MAPDA: variants seen among roughly 807,000 people sequenced by gnomAD.
The protein encoded by MAPDA is N6,N6-dimethyl-AMP deaminase.
At chr15:43,343,023 A>G in the MAPDA span, 1 of 1,591,830 alleles carries the variant, frequency 6.3e-7, no homozygotes, top group Non-Finnish European at 8.5e-7. Flanking sequence ...TGTGGAATCT[A>G]TACTTGAAGG....
the MAPDA span, chr15:43,349,206 G>A: frequency 7.0e-7 from 1 of 1,421,750 alleles, no homozygotes; most frequent in East Asian, 2.5e-5. Context: ...AAAACAGAAA[G>A]CTTTAGCTTC....
At chr15:43,350,232 A>AT in the MAPDA span, among the ~76,000 whole-genome samples, 746 of 138,566 alleles carry the variant, frequency 5.4e-3, 4 homozygotes, top group East Asian at 0.03. Flanking sequence ...CGCCCAGCTA[A>AT]TTTTTTTTTT....
the MAPDA span, among the ~76,000 whole-genome samples, chr15:43,337,113 A>AG: frequency 1.3e-5 from 1 of 79,416 alleles, no homozygotes; most frequent in African/African-American, 1.8e-4. Context: ...CTAAAAATAC[A>AG]AAAAAAAAAA....
At chr15:43,350,068 ACT>A in the MAPDA span, among the ~76,000 whole-genome samples, 1 of 150,614 alleles carries the variant, frequency 6.6e-6, no homozygotes, top group African/African-American at 2.4e-5. Flanking sequence ...AATAGGAGTC[ACT>A]CTTTTTTTTG....
the MAPDA span, chr15:43,330,397 C>T: frequency 1.3e-6 from 2 of 1,580,836 alleles, no homozygotes; most frequent in Non-Finnish European, 1.7e-6. Context: ...CCTGCACGTA[C>T]CCGCGCGCGG....
At chr15:43,341,605 G>A in the MAPDA span, among the ~76,000 whole-genome samples, 1 of 152,028 alleles carries the variant, frequency 6.6e-6, no homozygotes, top group East Asian at 1.9e-4. Context: ...TTGGGAGGCT[G>A]AGGCAGGAGG....
At chr15:43,348,934 A>G in the MAPDA span, 1 of 1,614,032 alleles carries the variant, frequency 6.2e-7, no homozygotes, top group Non-Finnish European at 8.5e-7. Context: ...AGAAACACAA[A>G]TACTCCTGGA....
chr15:43,332,047 A>T, the MAPDA span: 4 of 152,326 alleles, frequency 2.6e-5, no homozygotes, highest in Middle Eastern at 0.01. Flanking sequence ...GGCACGTATT[A>T]GTTGTGGGGA....
chr15:43,352,085 C>A, the MAPDA span: 4 of 756,568 alleles, frequency 5.3e-6, no homozygotes, highest in Non-Finnish European at 6.1e-6. Context: ...TTACACATGG[C>A]AGGTACTCAG....
chr15:43,335,104 T>C, the MAPDA span: 3 of 1,613,516 alleles, frequency 1.9e-6, no homozygotes, highest in African/African-American at 4.0e-5. Context: ...TTTTTCCTGC[T>C]AAAATGATAG....
At chr15:43,351,998 A>T in the MAPDA span, 1 of 1,503,244 alleles carries the variant, frequency 6.7e-7, no homozygotes, top group East Asian at 2.5e-5. Context: ...AGTTCCTGCC[A>T]TATCCCACTT....
At chr15:43,332,734 A>AT in the MAPDA span, among the ~76,000 whole-genome samples, 2 of 151,736 alleles carry the variant, frequency 1.3e-5, no homozygotes, top group East Asian at 1.9e-4. Context: ...ACAGTAACAA[A>AT]TTTTTTTTTA....
the MAPDA span, chr15:43,345,765 T>A: frequency 6.7e-7 from 1 of 1,490,068 alleles, no homozygotes. Flanking sequence ...GTATTACACG[T>A]AGTCTGCCAT....
the MAPDA span, chr15:43,349,094 C>A: frequency 1.2e-6 from 2 of 1,612,662 alleles, no homozygotes; most frequent in South Asian, 2.2e-5. Flanking sequence ...GTCTCTCCCC[C>A]AATCCCCAGG....
chr15:43,340,951 A>C, the MAPDA span, among the ~76,000 whole-genome samples: 52 of 152,314 alleles, frequency 3.4e-4, no homozygotes, highest in African/African-American at 1.2e-3. Flanking sequence ...GGTAGTTACT[A>C]AAATGTAGGT....
the MAPDA span, chr15:43,330,550 C>T: frequency 1.1e-4 from 171 of 1,494,040 alleles, 1 homozygote; most frequent in African/African-American, 2.2e-3. Context: ...TTGGTTAGCA[C>T]ACACCTCACG....
the MAPDA span, chr15:43,350,835 TTTAAA>T: frequency 1.6e-5 from 16 of 1,017,736 alleles, no homozygotes; most frequent in Non-Finnish European, 2.3e-5. Flanking sequence ...AATAAACTAC[TTTAAA>T]TTAGCAAAAT....
chr15:43,333,692 A>C, the MAPDA span, among the ~76,000 whole-genome samples: 1 of 152,224 alleles, frequency 6.6e-6, no homozygotes, highest in Non-Finnish European at 1.5e-5. Flanking sequence ...CTCAGTATCA[A>C]TTTATTGATT....
chr15:43,334,060 TTGAGA>T, the MAPDA span, among the ~76,000 whole-genome samples: 1 of 152,214 alleles, frequency 6.6e-6, no homozygotes, highest in Admixed American at 6.5e-5. Flanking sequence ...ATATCAGTGA[TTGAGA>T]TATCAGTGTG....
Sources: gnomAD v4.1 joint callset for allele counts (sites outside exome capture counted in the v4.1 genomes callset) on GRCh38, gnomAD v4.1.1 for gene constraint, MANE v1.5 for transcripts, NCBI Gene and HGNC (gene_info 2026-07-23, HGNC 2026-07-21) for gene names.